RASAL2: variants seen among roughly 807,000 people sequenced by gnomAD.
The protein encoded by RASAL2 is ras GTPase-activating protein nGAP.
In RASAL2, 58 loss-of-function variants were observed where a neutral mutation model predicts 128.9. That is an observed-to-expected ratio of 0.45 (90% CI 0.36 to 0.56). The LOEUF (loss-of-function observed/expected upper bound fraction) is 0.56. Among genes scored for constraint, RASAL2 ranks in the 20% least tolerant of loss-of-function variants. RASAL2 has a pLI of 0.00. For synonymous variants in RASAL2, 561 were observed against 580.8 expected, an observed-to-expected ratio of 0.97 and a Z score of 0.49; for missense variants, 1,360 against 1,601.6, an observed-to-expected ratio of 0.85 and a Z score of 2.57.
At chr1:178,377,713 C>T (rs1672066225) in intron 3 of RASAL2, among the ~76,000 whole-genome samples, 1 of 151,896 alleles carries the variant, frequency 6.6e-6, no homozygotes, top group South Asian at 2.1e-4. Flanking sequence ...GGAAAAACAT[C>T]CTGAGAATTC....
intron 10 of RASAL2, 107 bp downstream of exon 10, chr1:178,451,822 C>T: frequency 7.3e-7 from 1 of 1,364,854 alleles, no homozygotes; most frequent in Non-Finnish European, 9.9e-7. Context: ...AATTATTTTA[C>T]AACCAAAGGG....
chr1:178,343,738 T>A (rs907378593), intron 3 of RASAL2, among the ~76,000 whole-genome samples: 3 of 152,138 alleles, frequency 2.0e-5, no homozygotes, highest in Non-Finnish European at 4.4e-5. Context: ...GAAACACACT[T>A]CTTTTTTAAT....
chr1:178,209,872 C>T (rs889051889), intron 1 of RASAL2, among the ~76,000 whole-genome samples: 1 of 151,890 alleles, frequency 6.6e-6, no homozygotes, highest in Non-Finnish European at 1.5e-5. Flanking sequence ...ACTTCATCTC[C>T]ATTTCCTGGA....
intron 1 of RASAL2, among the ~76,000 whole-genome samples, chr1:178,278,479 T>C (rs1666629539): frequency 6.6e-6 from 1 of 152,150 alleles, no homozygotes; most frequent in Non-Finnish European, 1.5e-5. Context: ...GTTTCTTCTT[T>C]CTCCTCTCAA....
intron 1 of RASAL2, among the ~76,000 whole-genome samples, chr1:178,236,313 G>A (rs948403085): frequency 1.3e-5 from 2 of 152,108 alleles, no homozygotes; most frequent in Non-Finnish European, 2.9e-5. Context: ...GATGGTCCTC[G>A]TAGAGGTATG....
At chr1:178,386,854 C>A (rs573161832) in intron 3 of RASAL2, among the ~76,000 whole-genome samples, 7 of 152,252 alleles carry the variant, frequency 4.6e-5, no homozygotes, top group African/African-American at 1.7e-4. Flanking sequence ...TAATTTTGGT[C>A]TACTGGAACT....
intron 3 of RASAL2, among the ~76,000 whole-genome samples, chr1:178,322,909 C>T (rs1036564079): frequency 2.6e-5 from 4 of 152,160 alleles, no homozygotes; most frequent in Non-Finnish European, 5.9e-5. Flanking sequence ...GTTCTGGCCA[C>T]ATAGGACTGC....
chr1:178,159,798 C>T (rs935178407), intron 1 of RASAL2, among the ~76,000 whole-genome samples: 4 of 151,824 alleles, frequency 2.6e-5, no homozygotes, highest in Non-Finnish European at 4.4e-5. Context: ...CCCAGCTACT[C>T]GGGAGGCTGA....
chr1:178,346,539 TTA>T (rs1396096388), intron 3 of RASAL2, among the ~76,000 whole-genome samples: 1 of 152,212 alleles, frequency 6.6e-6, no homozygotes, highest in Non-Finnish European at 1.5e-5. Flanking sequence ...AAATACGCTA[TTA>T]TATGAGTAGC....
At chr1:178,334,469 G>A (rs1176590077) in intron 3 of RASAL2, among the ~76,000 whole-genome samples, 1 of 151,744 alleles carries the variant, frequency 6.6e-6, no homozygotes, top group Non-Finnish European at 1.5e-5. Context: ...CTCCCAAGTA[G>A]CTGGGATTAC....
intron 17 of RASAL2, among the ~76,000 whole-genome samples, chr1:178,471,927 CT>C (rs1648309816): frequency 6.6e-6 from 1 of 152,172 alleles, no homozygotes; most frequent in Non-Finnish European, 1.5e-5. Context: ...CTTTACCATG[CT>C]TTTCTCAGGG....
chr1:178,233,679 C>T (rs998197024), intron 1 of RASAL2, among the ~76,000 whole-genome samples: 3 of 152,312 alleles, frequency 2.0e-5, no homozygotes, highest in Admixed American at 6.5e-5. Flanking sequence ...CCGATCACTT[C>T]GAGCACCATT....
intron 5 of RASAL2, among the ~76,000 whole-genome samples, chr1:178,421,305 A>C (rs1675127086): frequency 6.6e-6 from 1 of 152,134 alleles, no homozygotes; most frequent in African/African-American, 2.4e-5. Flanking sequence ...ACAGCTCCCT[A>C]AGGATAATAT....
chr1:178,435,775 T>C (rs1676215393), intron 5 of RASAL2, among the ~76,000 whole-genome samples: 1 of 152,068 alleles, frequency 6.6e-6, no homozygotes, highest in South Asian at 2.1e-4. Context: ...GTTGGAGCCC[T>C]GAATTATTCT....
At chr1:178,299,030 TA>T (rs1406431049) in intron 2 of RASAL2, among the ~76,000 whole-genome samples, 4 of 152,178 alleles carry the variant, frequency 2.6e-5, no homozygotes, top group African/African-American at 9.6e-5. Context: ...TTTTTTTTAC[TA>T]TTCATAGTTC....
At chr1:178,131,303 C>G (rs1373329277) in intron 1 of RASAL2, among the ~76,000 whole-genome samples, 2 of 151,086 alleles carry the variant, frequency 1.3e-5, no homozygotes, top group Admixed American at 6.6e-5. Flanking sequence ...AACTCCCAGG[C>G]TCAAGTGATC....
At chr1:178,319,004 G>C (rs1472838898) in intron 3 of RASAL2, among the ~76,000 whole-genome samples, 2 of 152,176 alleles carry the variant, frequency 1.3e-5, no homozygotes, top group South Asian at 4.2e-4. Flanking sequence ...GACAAAATCA[G>C]TCAGCATTTG....
chr1:178,466,258 G>A, intron 16 of RASAL2, 136 bp downstream of exon 16: 1 of 761,160 alleles, frequency 1.3e-6, no homozygotes, highest in Non-Finnish European at 2.0e-6. Flanking sequence ...ATAATTGACT[G>A]TATCTCTTAA....
intron 1 of RASAL2, among the ~76,000 whole-genome samples, chr1:178,186,605 A>G (rs1009997923): frequency 6.6e-5 from 10 of 151,956 alleles, no homozygotes; most frequent in Non-Finnish European, 1.5e-5. Flanking sequence ...GTCAGCAGTC[A>G]TTCTCCTATT....
Sources: allele counts gnomAD v4.1 joint callset (sites outside exome capture counted in the v4.1 genomes callset), GRCh38; gene constraint gnomAD v4.1.1; transcripts MANE v1.5; gene names NCBI Gene and HGNC (gene_info 2026-07-23, HGNC 2026-07-21).